The following PRRC2C variants were observed in gnomAD, a reference collection of about 807,000 sequenced individuals.
PRRC2C encodes protein PRRC2C.
PRRC2C carries 72 observed loss-of-function variants against 317.2 expected under a neutral mutation model. The observed-to-expected ratio is 0.23, with a 90% CI of 0.19 to 0.28. PRRC2C has a LOEUF of 0.28. Among genes scored for constraint, PRRC2C ranks in the 10% least tolerant of loss-of-function variants. The pLI is 1.00. For missense variants in PRRC2C, 3,074 were observed against 3,459.7 expected, an observed-to-expected ratio of 0.89 and a Z score of 2.80; for synonymous variants, 1,296 against 1,205.9, an observed-to-expected ratio of 1.07 and a Z score of -1.55.
chr1:171,490,245 G>C (rs1054364604), intron 1 of PRRC2C, among the ~76,000 whole-genome samples: 1 of 152,070 alleles, frequency 6.6e-6, no homozygotes, highest in Non-Finnish European at 1.5e-5. Flanking sequence ...ATGATTATTT[G>C]GCATTAGCTT....
At chr1:171,536,473 G>A (rs1274275201) in intron 14 of PRRC2C, among the ~76,000 whole-genome samples, 195 bp downstream of exon 14, 1 of 152,080 alleles carries the variant, frequency 6.6e-6, no homozygotes, top group Non-Finnish European at 1.5e-5. Context: ...CAAAATACTA[G>A]TTCATTTCTG....
At chr1:171,508,779 T>G (rs1031677549) in intron 1 of PRRC2C, among the ~76,000 whole-genome samples, 8 of 152,250 alleles carry the variant, frequency 5.3e-5, no homozygotes, top group Non-Finnish European at 1.0e-4. Context: ...TGTTCAAAGC[T>G]TTACTCTTTG....
chr1:171,540,153 C>G lies in PRRC2C; in HGVS notation c.2687C>G (p.Ala896Gly). The G allele has an allele frequency of 6.2e-7, 1 of 1,613,880 alleles. No homozygotes were observed. Residue 896 changes from alanine to glycine, a missense_variant, in exon 16 of 35, where the codon GCT (alanine) becomes GGT (glycine). By Grantham distance (60) the Ala-to-Gly change is moderately conservative. Coordinates refer to ENST00000647382, the MANE Select transcript of PRRC2C (RefSeq NM_001387844.1). ...CATACTGATGCAAATAATCAGTCTG[C>G]TTGTTTTGAAGCACCTGATCAAAAG... ...PHHTDANNQS[A>G]CFEAPDQKTL... is the part of the protein sequence containing the mutation.
rs771035920 is a variant in PRRC2C, at chr1:171,569,035, A to G, written c.6651+696A>G. Reference sequence around the variant, plus strand: ...ACTGTCTGATAGATGAAAAATTGTTAGCCCAGAAACATTAGGTAGCTTGCC... The same window carrying G: ...ACTGTCTGATAGATGAAAAATTGTTGGCCCAGAAACATTAGGTAGCTTGCC... On this transcript the variant is annotated intron_variant, in intron 23 of 34. Coordinates refer to ENST00000647382, the MANE Select transcript of PRRC2C (RefSeq NM_001387844.1). Among the ~76,000 whole-genome samples the G allele has an allele frequency of 9.2e-5, 14 of 152,334 alleles. No homozygotes were observed. The East Asian group carries it at 1.7e-3, about 19-fold the overall frequency.
chr1:171,524,591 A>G (rs1674220768), intron 9 of PRRC2C, among the ~76,000 whole-genome samples: 1 of 152,166 alleles, frequency 6.6e-6, no homozygotes, highest in African/African-American at 2.4e-5. Context: ...TTTTGCCAGG[A>G]TATATGCCTG....
intron 17 of PRRC2C, among the ~76,000 whole-genome samples, chr1:171,547,638 T>C (rs1412618839): frequency 5.6e-5 from 8 of 142,374 alleles, no homozygotes; most frequent in Non-Finnish European, 1.1e-4. Flanking sequence ...CCCTTCTTTT[T>C]TTTTTTTGTT....
At chr1:171,485,871 G>T (rs898523051) in intron 1 of PRRC2C, 136 bp downstream of exon 1, 2 of 152,274 alleles carry the variant, frequency 1.3e-5, no homozygotes, top group East Asian at 3.9e-4. Flanking sequence ...AGGGCCTTGG[G>T]TCCGGGCATT....
intron 28 of PRRC2C, among the ~76,000 whole-genome samples, chr1:171,582,851 A>G (rs989269386): frequency 2.5e-5 from 2 of 80,234 alleles, no homozygotes; most frequent in African/African-American, 9.9e-5. Flanking sequence ...GGTACACTAA[A>G]TTTGTTAAAA....
At chr1:171,492,375 TAGAA>T (rs765321227) in intron 1 of PRRC2C, among the ~76,000 whole-genome samples, 8 of 152,140 alleles carry the variant, frequency 5.3e-5, no homozygotes, top group Non-Finnish European at 7.3e-5. Context: ...AACTTGAACA[TAGAA>T]AGAATGAAAG....
intron 1 of PRRC2C, among the ~76,000 whole-genome samples, chr1:171,504,174 G>A (rs1669733585): frequency 6.6e-6 from 1 of 152,134 alleles, no homozygotes; most frequent in African/African-American, 2.4e-5. Flanking sequence ...TGTTATGAGA[G>A]TTTTGTATGT....
At position 171,540,552 on chromosome 1, in the gene PRRC2C, A is replaced by T; in HGVS notation, c.3086A>T (p.Glu1029Val). Residue 1029 changes from glutamate to valine, a missense_variant, in exon 16 of 35, where the codon GAA (glutamate) becomes GTA (valine). Glu to Val is a moderately radical substitution (Grantham distance 121). Around this residue, in one of 11 missense-constraint regions of PRRC2C, gnomAD observed 1,320 missense variants for 1,395.7 expected, o/e 0.95. Coordinates refer to ENST00000647382, the MANE Select transcript of PRRC2C (RefSeq NM_001387844.1). ...KKPVLRDMKE[E>V]REQRKEKEGE... ...CCTGTACTTAGAGATATGAAAGAGG[A>T]ACGGGAACAGAGGAAGGAGAAAGAA... 6.2e-7 allele frequency: 1 copy of T among 1,613,930 alleles called. No individual in the cohort carries two copies. The highest frequency in any genetic ancestry group is 1.1e-5 in the South Asian group (1 of 91,076).
At chr1:171,496,960 G>A (rs1016843672) in intron 1 of PRRC2C, among the ~76,000 whole-genome samples, 5 of 152,006 alleles carry the variant, frequency 3.3e-5, no homozygotes, top group South Asian at 2.1e-4. Flanking sequence ...ACCACACCTG[G>A]CTATTTTTTT....
At chr1:171,490,898 A>G (rs1162223872) in intron 1 of PRRC2C, among the ~76,000 whole-genome samples, 1 of 152,202 alleles carries the variant, frequency 6.6e-6, no homozygotes, top group African/African-American at 2.4e-5. Context: ...ACTTTGTGCC[A>G]GCTGTTAATT....
intron 23 of PRRC2C, among the ~76,000 whole-genome samples, chr1:171,570,659 A>G (rs1016904689): frequency 6.6e-6 from 1 of 152,232 alleles, no homozygotes; most frequent in African/African-American, 2.4e-5. Context: ...TAAAGTTTCT[A>G]ACAATATTTG....
intron 25 of PRRC2C, among the ~76,000 whole-genome samples, chr1:171,575,912 G>A (rs764206): frequency 0.64 from 96,545 of 152,018 alleles, 30,752 homozygotes; most frequent in East Asian, 0.81. Context: ...TTGTTTGACT[G>A]GTTCTCATTC....
chr1:171,514,738 C>T, intron 4 of PRRC2C, 93 bp downstream of exon 4: 1 of 1,092,158 alleles, frequency 9.2e-7, no homozygotes, highest in Non-Finnish European at 1.3e-6. Context: ...TTGGTAGAGC[C>T]ATAAAGCATT....
Position 171,541,484 on chromosome 1 carries a change from G to C in PRRC2C, c.4018G>C (p.Glu1340Gln). ...TAAACCAGGCTTTCTTCCTAAAGGAGAGCCTACAAGGAGAGGCAGAGGGGG... is the reference window on the plus strand; with the variant it reads ...TAAACCAGGCTTTCTTCCTAAAGGACAGCCTACAAGGAGAGGCAGAGGGGG... ...KAKPGFLPKG[E>Q]PTRRGRGGTF... The change falls in exon 16 of 35, where the codon GAG (glutamate) becomes CAG (glutamine). Residue 1340 changes from glutamate to glutamine, a missense_variant. Physicochemically the swap from Glu to Gln is conservative, Grantham distance 29. Coordinates refer to ENST00000647382, the MANE Select transcript of PRRC2C (RefSeq NM_001387844.1). This position sits in a 1 kb window ranked among gnomAD's most constrained non-coding sequence, Gnocchi z 4.1. 6.2e-7 allele frequency: 1 copy of C among 1,613,670 alleles called. No individual in the cohort carries two copies. Among genetic ancestry groups the C allele is most frequent in the East Asian group, 2.2e-5 (1 of 44,862 alleles).
chr1:171,523,902 GGT>G (rs1674067849), intron 9 of PRRC2C, among the ~76,000 whole-genome samples: 2 of 152,076 alleles, frequency 1.3e-5, no homozygotes, highest in African/African-American at 2.4e-5. Flanking sequence ...CAGGCGTGGT[GGT>G]GCATGCCTGT....
In PRRC2C at chr1:171,584,036, C is replaced by T; in HGVS notation, c.7490C>T (p.Thr2497Ile). Residue 2497 changes from threonine (T) to isoleucine (I), a missense_variant, in exon 29 of 35, where the codon ACT becomes ATT. Thr to Ile is a moderately conservative substitution (Grantham distance 89). This residue lies in a region of PRRC2C where 490 missense variants were observed against 663.1 expected (regional missense o/e 0.74). Coordinates refer to ENST00000647382, the MANE Select transcript of PRRC2C (RefSeq NM_001387844.1). ...GGTACTGCTATTCACAACTTTCCAACTGTCCAACACCAAGAACTTGCCAAG... is the reference window on the plus strand; with the variant it reads ...GGTACTGCTATTCACAACTTTCCAATTGTCCAACACCAAGAACTTGCCAAG... The part of the protein sequence containing the change: ...LSGTAIHNFP[T>I]VQHQELAKAQ... 6.2e-7 allele frequency: 1 copy of T among 1,614,014 alleles called. No individual in the cohort carries two copies. The highest frequency in any genetic ancestry group is 8.5e-7 in the Non-Finnish European group (1 of 1,179,868).
Sources: allele counts gnomAD v4.1 joint callset (sites outside exome capture counted in the v4.1 genomes callset), GRCh38; gene constraint gnomAD v4.1.1; regional missense constraint gnomAD v4.1.1; non-coding constraint Gnocchi (gnomAD v3.1); transcripts MANE v1.5; gene names NCBI Gene and HGNC (gene_info 2026-07-23, HGNC 2026-07-21).